Variants in SIGLEC7 observed in about 807,000 individuals in gnomAD.
The protein encoded by SIGLEC7 is sialic acid binding Ig like lectin 7.
In SIGLEC7, 33 loss-of-function variants were observed where a neutral mutation model predicts 40.8. That is an observed-to-expected ratio of 0.81 (90% CI 0.61 to 1.08). The LOEUF is 1.08. SIGLEC7 is among the 50% of genes least tolerant of loss of function. The probability of loss-of-function intolerance (pLI) is 0.00; values close to 1 mark genes in which losing one functional copy is unlikely to be tolerated. For synonymous variants in SIGLEC7, 242 were observed against 237.6 expected (o/e 1.02, Z -0.17); for missense variants, 513 against 576.1 (o/e 0.89, Z 1.12).
In SIGLEC7 at chr19:51,144,451, C is replaced by G. The variant is rs371418837; in HGVS notation, c.479C>G (p.Ser160Cys). 8 of 1,613,134 alleles carry G rather than the reference C, an allele frequency of 5.0e-6. No homozygotes were observed. The African/African-American group carries it at 1.1e-4, about 22-fold the overall frequency. Residue 160 changes from serine to cysteine, a missense_variant, in exon 2 of 7, where the codon TCT becomes TGT. Physicochemically the swap from Ser to Cys is moderately radical, Grantham distance 112. Transcript: ENST00000317643. ...ATCCTTATCCCCGGTACCCTGGAGT[C>G]TGGCTGCTTCCAGAATCTGACCTGC... ...PNILIPGTLE[S>C]GCFQNLTCSV...
In SIGLEC7 at chr19:51,145,699, T is replaced by C. The variant is rs918580015; in HGVS notation, c.761-156T>C. On this transcript the variant is annotated intron_variant, in intron 3 of 6. Coordinates refer to ENST00000317643, the MANE Select transcript of SIGLEC7 (RefSeq NM_014385.4). The surrounding 1 kb of genome is among the most constrained non-coding windows in gnomAD (Gnocchi z 4.3). ...TGGTGAAGTTGTCCTCAAATAAAGGTGGGCAAGTTTACATTCCCAACAGTG... is the reference window on the plus strand; with the variant it reads ...TGGTGAAGTTGTCCTCAAATAAAGGCGGGCAAGTTTACATTCCCAACAGTG... 6.6e-6 allele frequency among the ~76,000 whole-genome samples: 1 copy of C among 152,190 alleles called. No homozygotes were observed. The highest frequency in any genetic ancestry group is 1.5e-5 in the Non-Finnish European group (1 of 68,020).
In SIGLEC7 at chr19:51,153,069, C is replaced by T. The variant is rs745486789; in HGVS notation, c.1228C>T (p.Leu410=). The T allele has an allele frequency of 2.6e-6, 4 of 1,564,412 alleles. No homozygotes were observed. Among genetic ancestry groups the T allele is most frequent in the Admixed American group, 3.8e-5 (2 of 52,812 alleles). Residue 410 remains leucine, a synonymous_variant, in exon 7 of 7, where the codon CTG becomes TTG. Transcript: ENST00000317643. ...TIRGSASQGN[L]TESWADDNPR... ...CTTCTCTCTCTCCATTCAGGGTAAC[C>T]TGACTGAGTCCTGGGCAGATGATAA...
intron 6 of SIGLEC7, among the ~76,000 whole-genome samples, chr19:51,150,879 G>A (rs888912292): frequency 6.6e-6 from 1 of 152,166 alleles, no homozygotes; most frequent in Non-Finnish European, 1.5e-5. Context: ...GAGGAGTTGA[G>A]CCTATGTGAA....
chr19:51,152,480 C>T (rs1324418205), intron 6 of SIGLEC7, among the ~76,000 whole-genome samples: 1 of 152,150 alleles, frequency 6.6e-6, no homozygotes, highest in African/African-American at 2.4e-5. Context: ...CTCCCCATAC[C>T]ACCGAACTGT....
rs780091738 is a variant in SIGLEC7 at position 51,142,302 on chromosome 19, C to T, written c.-68C>T. ...GGGCCTCTTCTAAGTCTTGAGCCCG[C>T]AGTTCCTGAGAGAAGAACCCTGAGG... On this transcript the variant is annotated 5_prime_UTR_variant, in exon 1 of 7. Transcript: ENST00000317643. The surrounding 1 kb of genome is among the most constrained non-coding windows in gnomAD (Gnocchi z 5.0). The T allele has an allele frequency of 1.5e-4, 233 of 1,564,632 alleles. No homozygotes were observed. Among genetic ancestry groups the T allele is most frequent in the Non-Finnish European group, 2.0e-4 (230 of 1,155,572 alleles).
intron 1 of SIGLEC7, 150 bp from the exon 2 acceptor site, chr19:51,144,256 C>G (rs1220257820): frequency 7.8e-6 from 10 of 1,281,712 alleles, no homozygotes; most frequent in Non-Finnish European, 1.1e-5. Context: ...GGGGTGGCAG[C>G]GAAAGCCTGG....
chr19:51,147,363 C>T lies in SIGLEC7; in HGVS notation c.1221+46C>T, dbSNP rs1487595146. 7 of 1,533,772 alleles carry T rather than the reference C, an allele frequency of 4.6e-6. No homozygotes were observed. The African/African-American group carries it at 9.7e-5, about 21-fold the overall frequency. ...CACACCCAGCATCCAGCTGGGACAT[C>T]TCCCACAGGATGGCCTCCAGGATTT... On this transcript the variant is annotated intron_variant, in intron 6 of 6. Transcript: ENST00000317643.
In SIGLEC7 at chr19:51,144,792, C is replaced by T. The variant is rs989387114; in HGVS notation, c.712+108C>T. ...TGGGTGCTGGGTCCCAGAATCTGGG[C>T]TGGTTGTGGGATCAGGAGGACGCTG... is the stretch of plus-strand genomic sequence containing the variant. On this transcript the variant is annotated intron_variant, in intron 2 of 6. Transcript: ENST00000317643. The T allele has an allele frequency of 3.2e-6, 5 of 1,578,198 alleles. No individual in the cohort carries two copies. The Admixed American group carries it at 8.5e-5, about 27-fold the overall frequency.
In SIGLEC7 at chr19:51,144,679, T is replaced by C; in HGVS notation, c.707T>C (p.Val236Ala). ...VTTNRTIQLNVSYPPQNLTVT... is the reference protein window; with the variant it reads ...VTTNRTIQLNASYPPQNLTVT... The stretch of plus-strand genomic sequence containing the variant: ...ACGAACAGGACCATCCAACTCAATG[T>C]GTCCTGTGAGTGCTGAGCCAGGACG... Residue 236 changes from valine to alanine, a missense_variant, in exon 2 of 7, where the codon GTG becomes GCG. By Grantham distance (64) the Val-to-Ala change is moderately conservative. Transcript: ENST00000317643. 1 of 1,613,212 alleles carries C rather than the reference T, an allele frequency of 6.2e-7. No homozygotes were observed. Among genetic ancestry groups the C allele is most frequent in the Non-Finnish European group, 8.5e-7 (1 of 1,179,838 alleles).
chr19:51,144,804 T>A, intron 2 of SIGLEC7, 108 bp from the exon 3 acceptor site: 1 of 1,578,424 alleles, frequency 6.3e-7, no homozygotes, highest in Non-Finnish European at 8.7e-7. Context: ...GGTTGTGGGA[T>A]CAGGAGGACG....
In SIGLEC7 at chr19:51,153,397, G is replaced by A. The variant is rs1469328813; in HGVS notation, c.*152G>A. ...GTCTAACTGAAAATGCATGCCTGAT[G>A]ACCAAACTCTCCCTTTCCCCATCCA... On this transcript the variant is annotated 3_prime_UTR_variant, in exon 7 of 7. Coordinates refer to ENST00000317643, the MANE Select transcript of SIGLEC7 (RefSeq NM_014385.4). 9.0e-6 allele frequency: 5 copies of A among 555,466 alleles called. No individual in the cohort carries two copies. Among genetic ancestry groups the A allele is most frequent in the African/African-American group, 1.9e-5 (1 of 52,230 alleles). The allele number at this position is 555,466 out of a possible 1,614,324, so 34.4% of individuals were successfully genotyped here.
Position 51,146,015 on chromosome 19 carries a change from G to A in SIGLEC7, c.921G>A (p.Glu307=). The change falls in exon 4 of 7, where the codon GAG becomes GAA. Residue 307 remains glutamate, a synonymous_variant. Transcript: ENST00000317643. ...AGCCCTCAAACCCTCTGGTACTGGA[G>A]CTGCAAGTGCACCTGGGGGATGAAG... is the stretch of plus-strand genomic sequence containing the variant. ...PSQPSNPLVL[E]LQVHLGDEGE... is the part of the protein sequence containing the mutation. 2 of 1,614,222 alleles carry A rather than the reference G, an allele frequency of 1.2e-6. No individual in the cohort carries two copies. Among genetic ancestry groups the A allele is most frequent in the East Asian group, 2.2e-5 (1 of 44,892 alleles).
At chr19:51,144,188 T>C (rs2092089759) in intron 1 of SIGLEC7, 2 of 761,956 alleles carry the variant, frequency 2.6e-6, no homozygotes, top group Non-Finnish European at 4.6e-6. Flanking sequence ...GAAGCAGCTC[T>C]CTGTGAATGT....
Position 51,142,491 on chromosome 19 carries a change from G to A in SIGLEC7, c.122G>A (p.Cys41Tyr). Residue 41 changes from cysteine (C) to tyrosine (Y), a missense_variant, in exon 1 of 7, where the codon TGT (cysteine) becomes TAT (tyrosine). Coordinates refer to ENST00000317643, the MANE Select transcript of SIGLEC7 (RefSeq NM_014385.4). This position sits in a 1 kb window ranked among gnomAD's most constrained non-coding sequence, Gnocchi z 5.0. ...TCCGTGACCGTGCAAGAGGGCATGT[G>A]TGTCCATGTGCGCTGCTCCTTCTCC... Reference protein sequence around the residue: ...QSSVTVQEGMCVHVRCSFSYP... With the variant: ...QSSVTVQEGMYVHVRCSFSYP... 1 of 1,614,168 alleles carries A rather than the reference G, an allele frequency of 6.2e-7. No homozygotes were observed. Among genetic ancestry groups the A allele is most frequent in the Non-Finnish European group, 8.5e-7 (1 of 1,180,026 alleles).
Position 51,153,086 on chromosome 19 carries a change from AGAT to A in SIGLEC7, c.1249_1251del (p.Asp417del). Reference sequence around the variant, plus strand: ...AGGGTAACCTGACTGAGTCCTGGGCAGATGATAACCCCCGACACCATGGCCTGG... The same window carrying A: ...AGGGTAACCTGACTGAGTCCTGGGCAGATAACCCCCGACACCATGGCCTGG... On this transcript the variant is annotated inframe_deletion, in exon 7 of 7. Coordinates refer to ENST00000317643, the MANE Select transcript of SIGLEC7 (RefSeq NM_014385.4). 1 of 1,597,560 alleles carries A rather than the reference AGAT, an allele frequency of 6.3e-7. No homozygotes were observed. The highest frequency in any genetic ancestry group is 8.5e-7 in the Non-Finnish European group (1 of 1,171,928).
At chr19:51,149,150 C>CTAAG (rs1425461772) in intron 6 of SIGLEC7, among the ~76,000 whole-genome samples, 4 of 152,168 alleles carry the variant, frequency 2.6e-5, no homozygotes, top group African/African-American at 9.7e-5. Context: ...TGTGCAGGAG[C>CTAAG]TCTTAAGTTT....
rs2092099998 is a variant in SIGLEC7, at chr19:51,145,239, T to C, written c.760+280T>C. Among the ~76,000 whole-genome samples the C allele has an allele frequency of 6.6e-6, 1 of 152,210 alleles. No homozygotes were observed. The highest frequency in any genetic ancestry group is 1.5e-5 in the Non-Finnish European group (1 of 68,026). ...GCCTTTGGGCCTCTTATCTTCCATC[T>C]CCTGAATATGCCACCTAACTCGTCT... On this transcript the variant is annotated intron_variant, in intron 3 of 6. Transcript: ENST00000317643. The surrounding 1 kb of genome is among the most constrained non-coding windows in gnomAD (Gnocchi z 4.3).
rs765717909 is a variant in SIGLEC7 at position 51,144,676 on chromosome 19, A to G, written c.704A>G (p.Asn235Ser). 8 of 1,612,948 alleles carry G rather than the reference A, an allele frequency of 5.0e-6. No homozygotes were observed. The African/African-American group carries it at 5.3e-5, about 11-fold the overall frequency. ...ACCACGAACAGGACCATCCAACTCAATGTGTCCTGTGAGTGCTGAGCCAGG... is the reference window on the plus strand; with the variant it reads ...ACCACGAACAGGACCATCCAACTCAGTGTGTCCTGTGAGTGCTGAGCCAGG... ...GVTTNRTIQL[N>S]VSYPPQNLTV... The change falls in exon 2 of 7, where the codon AAT becomes AGT. Residue 235 changes from asparagine to serine, a missense_variant. Coordinates refer to ENST00000317643, the MANE Select transcript of SIGLEC7 (RefSeq NM_014385.4).
Position 51,144,964 on chromosome 19 carries a change from G to C in SIGLEC7, c.760+5G>C, listed in dbSNP as rs768403464. 1.2e-6 allele frequency: 2 copies of C among 1,613,934 alleles called. No individual in the cohort carries two copies. The highest frequency in any genetic ancestry group is 2.7e-5 in the African/African-American group (2 of 74,924). On this transcript the variant is annotated splice_donor_5th_base_variant and intron_variant, in intron 3 of 6. Coordinates refer to ENST00000317643, the MANE Select transcript of SIGLEC7 (RefSeq NM_014385.4). ...TCTTCCAAGGAGAAGGCACAGGTAG[G>C]ATGGAGCCCCCTCCCTGGGGCTGGG... is the stretch of plus-strand genomic sequence containing the variant.
Sources: allele counts gnomAD v4.1 joint callset (sites outside exome capture counted in the v4.1 genomes callset), GRCh38; gene constraint gnomAD v4.1.1; non-coding constraint Gnocchi (gnomAD v3.1); transcripts MANE v1.5; gene names NCBI Gene and HGNC (gene_info 2026-07-23, HGNC 2026-07-21).